Variants in GRB10 observed in about 807,000 individuals in gnomAD.
GRB10 encodes the protein growth factor receptor bound protein 10, also known as growth factor receptor-bound protein 10.
Under a neutral mutation model 80.9 loss-of-function variants are expected in GRB10, and 20 were observed. That is an observed-to-expected ratio of 0.25 (90% CI 0.17 to 0.36). The LOEUF (loss-of-function observed/expected upper bound fraction) is 0.36. GRB10 is among the 10% of genes least tolerant of loss of function. GRB10 has a pLI of 1.00. For missense variants in GRB10, 548 were observed against 747.7 expected (o/e 0.73, Z 3.12); for synonymous variants, 291 against 291.5 (o/e 1.00, Z 0.02).
intron 7 of GRB10, among the ~76,000 whole-genome samples, chr7:50,653,710 A>G (rs2058290657): frequency 6.6e-6 from 1 of 152,210 alleles, no homozygotes; most frequent in African/African-American, 2.4e-5. Context: ...TGCATCGGGA[A>G]GAGACTTAAG....
At chr7:50,697,863 G>C (rs1297963087) in intron 5 of GRB10, among the ~76,000 whole-genome samples, 1 of 152,184 alleles carries the variant, frequency 6.6e-6, no homozygotes, top group South Asian at 2.1e-4. Flanking sequence ...TGTACCCAGT[G>C]CCAGGGAGCT....
chr7:50,602,822 G>A (rs572333422), intron 17 of GRB10, among the ~76,000 whole-genome samples: 8 of 152,214 alleles, frequency 5.3e-5, no homozygotes, highest in African/African-American at 1.9e-4. Context: ...AAACAAAAGG[G>A]TCCTTATTTT....
rs2047524349 is a variant in GRB10 at position 50,601,118 on chromosome 7, T to A, written c.1544+2880A>T. On this transcript the variant is annotated intron_variant, in intron 17 of 18. Transcript: ENST00000401949. ...CTTGGGATGCAGAGACTGCGGGAACTGCGCAGCGCAGTACTTGCAGCACGC... is the reference window on the plus strand; with the variant it reads ...CTTGGGATGCAGAGACTGCGGGAACAGCGCAGCGCAGTACTTGCAGCACGC... 2.0e-5 allele frequency among the ~76,000 whole-genome samples: 3 copies of A among 152,376 alleles called. No homozygotes were observed. The South Asian group carries it at 6.2e-4, about 32-fold the overall frequency.
chr7:50,593,543 T>C (rs1243170642), intron 18 of GRB10, among the ~76,000 whole-genome samples: 3 of 152,132 alleles, frequency 2.0e-5, no homozygotes, highest in Non-Finnish European at 4.4e-5. Context: ...TGCTCCATGA[T>C]GAAGCAACTG....
chr7:50,752,463 C>T (rs964686084), intron 3 of GRB10, among the ~76,000 whole-genome samples: 1 of 152,190 alleles, frequency 6.6e-6, no homozygotes, highest in Non-Finnish European at 1.5e-5. Context: ...GCATACCATT[C>T]TTGGTTAGTT....
Position 50,703,836 on chromosome 7 carries a change from G to T in GRB10, c.124C>A (p.Leu42Ile). Residue 42 changes from leucine to isoleucine, a missense_variant, in exon 5 of 19, where the codon CTT becomes ATT. Transcript: ENST00000401949. ...CATTCCTTACCCTGGTGATTCGCAAGTCGGTCAGACTGTGCGGGGAGTCCT... is the reference window on the plus strand; with the variant it reads ...CATTCCTTACCCTGGTGATTCGCAATTCGGTCAGACTGTGCGGGGAGTCCT... ...GPGLPAQSDRLANHQEDDVDL... is the reference protein window; with the variant it reads ...GPGLPAQSDRIANHQEDDVDL... The T allele has an allele frequency of 6.2e-7, 1 of 1,612,864 alleles. No homozygotes were observed. Among genetic ancestry groups the T allele is most frequent in the Non-Finnish European group, 8.5e-7 (1 of 1,179,058 alleles).
chr7:50,762,595 AT>A (rs1368082969), intron 2 of GRB10, among the ~76,000 whole-genome samples: 2 of 152,206 alleles, frequency 1.3e-5, no homozygotes, highest in African/African-American at 2.4e-5. Flanking sequence ...AAATAAGATC[AT>A]GGATAGCTGG....
chr7:50,642,278 TCACA>T (rs139544102), intron 7 of GRB10, among the ~76,000 whole-genome samples: 6 of 149,752 alleles, frequency 4.0e-5, no homozygotes, highest in East Asian at 4.0e-4. Flanking sequence ...CTTGGAAACT[TCACA>T]CACACACACA....
At chr7:50,700,203 G>A (rs986386981) in intron 5 of GRB10, among the ~76,000 whole-genome samples, 1 of 152,120 alleles carries the variant, frequency 6.6e-6, no homozygotes, top group East Asian at 1.9e-4. Context: ...AACCACTTGA[G>A]TATTTTTGAA....
At chr7:50,755,128 G>C (rs2074863905) in intron 3 of GRB10, among the ~76,000 whole-genome samples, 1 of 152,234 alleles carries the variant, frequency 6.6e-6, no homozygotes, top group African/African-American at 2.4e-5. Flanking sequence ...GGATACTGCG[G>C]GGAAGCCCGA....
intron 3 of GRB10, among the ~76,000 whole-genome samples, chr7:50,752,418 G>C (rs1422223416): frequency 6.6e-6 from 1 of 152,186 alleles, no homozygotes; most frequent in Non-Finnish European, 1.5e-5. Context: ...CACAACTGTA[G>C]AAGTTTCCTG....
intron 17 of GRB10, among the ~76,000 whole-genome samples, chr7:50,601,297 A>G (rs527986094): frequency 6.6e-6 from 1 of 152,374 alleles, no homozygotes; most frequent in South Asian, 2.1e-4. Context: ...GCCTTATTTC[A>G]TAGATCTGAC....
chr7:50,745,388 T>G (rs1266987167), intron 3 of GRB10, among the ~76,000 whole-genome samples: 1 of 152,236 alleles, frequency 6.6e-6, no homozygotes, highest in Non-Finnish European at 1.5e-5. Flanking sequence ...CCGAATGCCT[T>G]TGGGTGTCTT....
chr7:50,630,425 C>T (rs928167830), intron 7 of GRB10, among the ~76,000 whole-genome samples: 6 of 152,108 alleles, frequency 3.9e-5, no homozygotes, highest in African/African-American at 1.2e-4. Context: ...AATGAGATAC[C>T]CTCTTGAAAA....
intron 7 of GRB10, among the ~76,000 whole-genome samples, chr7:50,631,349 C>T (rs1430033283): frequency 2.0e-5 from 3 of 152,000 alleles, no homozygotes; most frequent in African/African-American, 7.3e-5. Context: ...GACGGCCCAG[C>T]CTCCAGGGTG....
intron 7 of GRB10, among the ~76,000 whole-genome samples, chr7:50,629,446 C>G (rs1027297488): frequency 5.9e-5 from 9 of 152,136 alleles, no homozygotes; most frequent in Non-Finnish European, 1.3e-4. Context: ...CCTGAGGGGG[C>G]AAGGCAGACA....
intron 7 of GRB10, among the ~76,000 whole-genome samples, chr7:50,644,983 T>C (rs547151723): frequency 2.8e-4 from 42 of 152,294 alleles, no homozygotes; most frequent in African/African-American, 9.9e-4. Flanking sequence ...GCAAAAGGGC[T>C]ATAATCCCCA....
intron 4 of GRB10, among the ~76,000 whole-genome samples, chr7:50,715,332 G>A (rs980831523): frequency 1.3e-5 from 2 of 151,824 alleles, no homozygotes; most frequent in African/African-American, 4.8e-5. Flanking sequence ...CAGAGGCTTT[G>A]GATAAAGCTC....
intron 7 of GRB10, among the ~76,000 whole-genome samples, chr7:50,635,091 C>T (rs959067694): frequency 8.0e-5 from 12 of 149,538 alleles, no homozygotes; most frequent in Non-Finnish European, 1.8e-4. Flanking sequence ...ATACATTTTT[C>T]TCATCTGCAC....
Sources: allele counts gnomAD v4.1 joint callset (sites outside exome capture counted in the v4.1 genomes callset), GRCh38; gene constraint gnomAD v4.1.1; transcripts MANE v1.5; gene names NCBI Gene and HGNC (gene_info 2026-07-23, HGNC 2026-07-21).